EYA4: variants seen among roughly 807,000 people sequenced by gnomAD.
EYA4 encodes the protein EYA transcriptional coactivator and phosphatase 4.
Under a neutral mutation model 87.9 loss-of-function variants are expected in EYA4, and 31 were observed. The ratio of observed to expected loss-of-function variants is 0.35; its 90% CI spans 0.27 to 0.48. EYA4 has a LOEUF of 0.48. Ranked by LOEUF, EYA4 falls within the 20% of genes least tolerant of loss-of-function variation. The probability of loss-of-function intolerance (pLI) is 0.99; values close to 1 mark genes in which losing one functional copy is unlikely to be tolerated. For missense variants in EYA4, 678 were observed against 761.4 expected (o/e 0.89, Z 1.29); for synonymous variants, 263 against 270.6 (o/e 0.97, Z 0.28).
At chr6:133,260,261 G>A (rs1252240028) in intron 1 of EYA4, among the ~76,000 whole-genome samples, 1 of 151,640 alleles carries the variant, frequency 6.6e-6, no homozygotes, top group Non-Finnish European at 1.5e-5. Context: ...TTTTTGAGAT[G>A]GAGTTGTGCT....
chr6:133,439,149 G>A (rs1166430429), intron 3 of EYA4, among the ~76,000 whole-genome samples: 1 of 150,468 alleles, frequency 6.6e-6, no homozygotes, highest in Non-Finnish European at 1.5e-5. Context: ...AATTAAGTCT[G>A]TTATCGGGAT....
intron 3 of EYA4, among the ~76,000 whole-genome samples, chr6:133,409,055 G>C (rs1034079483): frequency 5.3e-5 from 8 of 152,178 alleles, no homozygotes; most frequent in Non-Finnish European, 1.2e-4. Context: ...TAGGTCATTA[G>C]TCTGTAGCTG....
chr6:133,468,512 A>G (rs1795041449), intron 10 of EYA4, 54 bp from the exon 11 acceptor site: 1 of 1,369,858 alleles, frequency 7.3e-7, no homozygotes, highest in Non-Finnish European at 1.0e-6. Flanking sequence ...TTCTTGGGAG[A>G]GTATTAAAGA....
chr6:133,383,074 A>G (rs1199557473), intron 3 of EYA4, among the ~76,000 whole-genome samples: 1 of 152,232 alleles, frequency 6.6e-6, no homozygotes, highest in Non-Finnish European at 1.5e-5. Flanking sequence ...TTTTGAATGG[A>G]TAAGTAAAAG....
intron 7 of EYA4, chr6:133,462,082 A>T: frequency 2.0e-6 from 1 of 499,480 alleles, no homozygotes; most frequent in East Asian, 3.8e-5. Context: ...GTAAAATCTA[A>T]ATCAAATTTC....
chr6:133,338,228 T>G (rs768544100), intron 2 of EYA4, among the ~76,000 whole-genome samples: 1 of 152,148 alleles, frequency 6.6e-6, no homozygotes, highest in Non-Finnish European at 1.5e-5. Flanking sequence ...CATTGAAAAT[T>G]TTTAATGAGT....
intron 1 of EYA4, among the ~76,000 whole-genome samples, chr6:133,253,910 A>G (rs6903443): frequency 0.63 from 95,309 of 151,942 alleles, 30,805 homozygotes; most frequent in African/African-American, 0.77. Context: ...TGGAGATGTT[A>G]ATGGAAATTA....
chr6:133,261,150 C>T (rs1775770129), intron 1 of EYA4, among the ~76,000 whole-genome samples: 1 of 152,160 alleles, frequency 6.6e-6, no homozygotes, highest in South Asian at 2.1e-4. Flanking sequence ...TCTAGATTCT[C>T]TTGGCTTCTC....
At chr6:133,274,215 T>C (rs1776979952) in intron 1 of EYA4, among the ~76,000 whole-genome samples, 1 of 152,184 alleles carries the variant, frequency 6.6e-6, no homozygotes, top group South Asian at 2.1e-4. Context: ...TTAAGGTTGG[T>C]CATGTATTTT....
chr6:133,282,869 A>T (rs142910430), intron 2 of EYA4, among the ~76,000 whole-genome samples: 1 of 152,318 alleles, frequency 6.6e-6, no homozygotes. Flanking sequence ...AGTTGTCAAG[A>T]TCCCTGGGCA....
chr6:133,377,313 A>G (rs1245450860), intron 2 of EYA4, among the ~76,000 whole-genome samples: 1 of 152,026 alleles, frequency 6.6e-6, no homozygotes, highest in African/African-American at 2.4e-5. Flanking sequence ...CCTCTTTTTC[A>G]TAGTAAGACT....
chr6:133,515,678 C>A, intron 17 of EYA4, among the ~76,000 whole-genome samples: 1 of 149,506 alleles, frequency 6.7e-6, no homozygotes, highest in African/African-American at 2.5e-5. Flanking sequence ...AAGGTTGCTG[C>A]TTCTCAGAAT....
chr6:133,426,334 C>T (rs1446187131), intron 3 of EYA4, among the ~76,000 whole-genome samples: 1 of 152,162 alleles, frequency 6.6e-6, no homozygotes, highest in African/African-American at 2.4e-5. Flanking sequence ...TTATGGTGCT[C>T]AATAAATACG....
At chr6:133,334,725 A>G (rs1383593278) in intron 2 of EYA4, among the ~76,000 whole-genome samples, 6 of 152,228 alleles carry the variant, frequency 3.9e-5, no homozygotes, top group African/African-American at 1.4e-4. Context: ...AAAATAGACT[A>G]TTGAAAATAA....
chr6:133,424,515 C>T (rs1562403908), intron 3 of EYA4, among the ~76,000 whole-genome samples: 2 of 152,180 alleles, frequency 1.3e-5, no homozygotes, highest in African/African-American at 4.8e-5. Context: ...AAACACCCCC[C>T]CCCCAGCCTA....
intron 1 of EYA4, among the ~76,000 whole-genome samples, chr6:133,246,230 G>A (rs1774398426): frequency 1.3e-5 from 2 of 152,076 alleles, no homozygotes; most frequent in Non-Finnish European, 2.9e-5. Context: ...AGTTGGTCTG[G>A]CCCTTTTCTT....
chr6:133,481,539 A>AAAG lies in EYA4; in HGVS notation c.1048_1050dup (p.Lys350dup), dbSNP rs1024571049. ...AGAGAACCTGTAGGAGTTCTGGGTCAAAGTCCAGAGGAAGAGGCCGGAAAA... is the reference window on the plus strand; with the variant it reads ...AGAGAACCTGTAGGAGTTCTGGGTCAAAGAAGTCCAGAGGAAGAGGCCGGAAAA... On this transcript the variant is annotated inframe_insertion, in exon 12 of 20. Transcript: ENST00000355286. 6.2e-7 allele frequency: 1 copy of AAAG among 1,613,948 alleles called. No individual in the cohort carries two copies. Among genetic ancestry groups the AAAG allele is most frequent in the African/African-American group, 1.3e-5 (1 of 74,924 alleles).
At position 133,462,275 on chromosome 6, in the gene EYA4, GCTGT is replaced by G. The variant is rs1794463631; in HGVS notation, c.438-57_438-54del. The G allele has an allele frequency of 1.1e-4, 168 of 1,547,608 alleles. No homozygotes were observed. In the South Asian group the frequency reaches 1.8e-3, roughly 17 times the overall value. ...TATTATAGGGTTTCACTGAATCTAG[GCTGT>G]CTAAATTAATACACAGTCTTTGTTG... On this transcript the variant is annotated intron_variant, in intron 7 of 19. Transcript: ENST00000355286.
At chr6:133,365,568 G>A (rs142645560) in intron 2 of EYA4, among the ~76,000 whole-genome samples, 196 of 152,192 alleles carry the variant, frequency 1.3e-3, no homozygotes, top group Non-Finnish European at 2.0e-3. Flanking sequence ...GGGCGCATGG[G>A]GAAGCACTGG....
Sources: gnomAD v4.1 joint callset for allele counts (sites outside exome capture counted in the v4.1 genomes callset) on GRCh38, gnomAD v4.1.1 for gene constraint, MANE v1.5 for transcripts, NCBI Gene and HGNC (gene_info 2026-07-23, HGNC 2026-07-21) for gene names.